CECR2: variants seen among roughly 807,000 people sequenced by gnomAD.
The protein encoded by CECR2 is chromatin remodeling regulator CECR2.
A neutral mutation model predicts 154.5 loss-of-function variants in CECR2; 30 were observed. That is an observed-to-expected ratio of 0.19 (90% CI 0.15 to 0.26). CECR2 has a LOEUF of 0.26. CECR2 is among the 10% of genes least tolerant of loss of function. The pLI is 1.00. For synonymous variants in CECR2, 725 were observed against 683.7 expected (o/e 1.06, Z -0.94); for missense variants, 1,743 against 1,829.3 (o/e 0.95, Z 0.86).
intron 1 of CECR2, among the ~76,000 whole-genome samples, chr22:17,378,434 C>G (rs376581072): frequency 2.3e-4 from 35 of 151,500 alleles, no homozygotes; most frequent in African/African-American, 8.2e-4. Context: ...GTAGCTGGGA[C>G]TACAGGTGCC....
In CECR2 at chr22:17,555,886, C is replaced by T. The variant is rs1263658372; in HGVS notation, c.*3046C>T. The stretch of plus-strand genomic sequence containing the variant: ...CATCTCTTTGATTTAACACTCATGG[C>T]TCACCTTTAGTAGAGTTGTTAATAA... On this transcript the variant is annotated 3_prime_UTR_variant, in exon 19 of 19. Coordinates refer to ENST00000262608, the MANE Select transcript of CECR2 (RefSeq NM_001290047.2). 1 of 152,100 alleles carries T rather than the reference C, an allele frequency of 6.6e-6. No individual in the cohort carries two copies. 9.4% of individuals were successfully genotyped at this position (152,100 alleles called of 1,614,324 possible).
chr22:17,401,791 T>C (rs1191233610), intron 1 of CECR2, among the ~76,000 whole-genome samples: 4 of 151,694 alleles, frequency 2.6e-5, no homozygotes, highest in Non-Finnish European at 5.9e-5. Flanking sequence ...TACCTGTAAG[T>C]AGAATGACTG....
intron 1 of CECR2, among the ~76,000 whole-genome samples, chr22:17,453,622 G>A (rs1601384853): frequency 6.6e-6 from 1 of 152,186 alleles, no homozygotes; most frequent in South Asian, 2.1e-4. Flanking sequence ...ATATAAAAAG[G>A]ATACATCAAC....
intron 9 of CECR2, among the ~76,000 whole-genome samples, chr22:17,534,147 C>CT (rs558040777): frequency 2.8e-4 from 42 of 152,056 alleles, no homozygotes; most frequent in Non-Finnish European, 5.0e-4. Flanking sequence ...AGAAACAGAC[C>CT]TTGAGAGAAA....
chr22:17,447,361 T>C (rs1040131825), intron 1 of CECR2, among the ~76,000 whole-genome samples: 3 of 151,988 alleles, frequency 2.0e-5, no homozygotes, highest in African/African-American at 7.3e-5. Context: ...CATCGTGTTA[T>C]CCAGGATGGT....
chr22:17,524,121 A>G lies in CECR2; in HGVS notation c.958A>G (p.Thr320Ala). ...LSIKPVKQEE[T>A]PVLTRIEKQK... is the part of the protein sequence containing the mutation. ...TGTGCTCATTGGCTCCTCACAGGAG[A>G]CTCCTGTGCTGACCAGAATAGAAAA... Residue 320 changes from threonine to alanine, a missense_variant, in exon 9 of 19, where the codon ACT becomes GCT. Thr to Ala is a moderately conservative substitution (Grantham distance 58, BLOSUM62 0). Around this residue, in one of 4 missense-constraint regions of CECR2, gnomAD observed 292 missense variants for 301.2 expected, o/e 0.97. Transcript: ENST00000262608. 6.3e-7 allele frequency: 1 copy of G among 1,582,884 alleles called. No individual in the cohort carries two copies. Among genetic ancestry groups the G allele is most frequent in the Non-Finnish European group, 8.6e-7 (1 of 1,164,394 alleles).
chr22:17,528,876 G>A (rs754475339), intron 9 of CECR2, among the ~76,000 whole-genome samples: 4 of 152,150 alleles, frequency 2.6e-5, no homozygotes, highest in Non-Finnish European at 5.9e-5. Flanking sequence ...GTGGAGAGTA[G>A]ACAAATATTG....
intron 1 of CECR2, among the ~76,000 whole-genome samples, chr22:17,461,619 T>G (rs1330933738): frequency 6.6e-6 from 1 of 152,130 alleles, no homozygotes; most frequent in Non-Finnish European, 1.5e-5. Flanking sequence ...TGAGCCCAAG[T>G]GTGTGAGCCC....
chr22:17,482,509 ATTATT>A (rs2055344226), intron 2 of CECR2, among the ~76,000 whole-genome samples: 1 of 152,048 alleles, frequency 6.6e-6, no homozygotes, highest in Non-Finnish European at 1.5e-5. Context: ...ACTTTAAATC[ATTATT>A]TTAGAGTGTA....
intron 13 of CECR2, among the ~76,000 whole-genome samples, chr22:17,539,597 A>G (rs2056489649): frequency 6.6e-6 from 1 of 152,118 alleles, no homozygotes. Context: ...GCACACCAGC[A>G]TGGCACATGT....
At chr22:17,404,364 C>CTTTTTTTTTTTTTGTTTTTTT (rs1209598318) in intron 1 of CECR2, among the ~76,000 whole-genome samples, 1 of 59,608 alleles carries the variant, frequency 1.7e-5, no homozygotes, top group Admixed American at 2.1e-4. Flanking sequence ...GGACCCTGTT[C>CTTTTTTTTTTTTTGTTTTTTT]TTTCTTTTTT....
At chr22:17,418,049 G>GT (rs2054181453) in intron 1 of CECR2, among the ~76,000 whole-genome samples, 1 of 152,012 alleles carries the variant, frequency 6.6e-6, no homozygotes, top group Admixed American at 6.5e-5. Flanking sequence ...TACACAGATT[G>GT]TAAGTATACA....
chr22:17,426,885 C>T lies in CECR2; in HGVS notation c.127-50703C>T, dbSNP rs181568389. 3.0e-3 allele frequency among the ~76,000 whole-genome samples: 453 copies of T among 151,818 alleles called. 2 individuals are homozygous for T. The highest frequency in any genetic ancestry group is 5.4e-3 in the Non-Finnish European group (365 of 67,954). On this transcript the variant is annotated intron_variant, in intron 1 of 18. Transcript: ENST00000262608. ...ACACAAATTTTTTTTTTAAATTATA[C>T]TTTAAGTTCTAGGGCACATGTGCAC... is the stretch of plus-strand genomic sequence containing the variant.
intron 6 of CECR2, among the ~76,000 whole-genome samples, chr22:17,504,424 A>AT (rs200337384): frequency 3.6e-4 from 53 of 148,580 alleles, no homozygotes; most frequent in African/African-American, 1.2e-3. Context: ...TCCTTATTTT[A>AT]TTTTTTTTAT....
At chr22:17,457,415 G>A (rs1378541174) in intron 1 of CECR2, among the ~76,000 whole-genome samples, 1 of 152,188 alleles carries the variant, frequency 6.6e-6, no homozygotes, top group East Asian at 1.9e-4. Flanking sequence ...TTTCTTGTGT[G>A]TGATATTTTT....
At chr22:17,405,605 A>T (rs1177058847) in intron 1 of CECR2, among the ~76,000 whole-genome samples, 1 of 142,502 alleles carries the variant, frequency 7.0e-6, no homozygotes, top group Non-Finnish European at 1.5e-5. Flanking sequence ...GTGCCACTGC[A>T]TTCCAGCCTG....
chr22:17,382,398 G>A (rs2063208601), intron 1 of CECR2, among the ~76,000 whole-genome samples: 1 of 152,144 alleles, frequency 6.6e-6, no homozygotes, highest in South Asian at 2.1e-4. Context: ...GAACAGACTG[G>A]AAGAAGAAAG....
intron 1 of CECR2, among the ~76,000 whole-genome samples, chr22:17,414,496 G>C (rs1314611222): frequency 2.1e-5 from 2 of 95,186 alleles, no homozygotes; most frequent in Admixed American, 2.0e-4. Flanking sequence ...TATTATATCA[G>C]TTTTCTTTTT....
At chr22:17,371,721 G>A (rs1216115132) in intron 1 of CECR2, among the ~76,000 whole-genome samples, 1 of 152,190 alleles carries the variant, frequency 6.6e-6, no homozygotes, top group African/African-American at 2.4e-5. Flanking sequence ...GCGAGATAAA[G>A]TTGAGGTGGT....
Sources: allele counts gnomAD v4.1 joint callset (sites outside exome capture counted in the v4.1 genomes callset), GRCh38; gene constraint gnomAD v4.1.1; regional missense constraint gnomAD v4.1.1; transcripts MANE v1.5; gene names NCBI Gene and HGNC (gene_info 2026-07-23, HGNC 2026-07-21).